DMGDH: variants seen among roughly 807,000 people sequenced by gnomAD.
DMGDH encodes the protein dimethylglycine dehydrogenase, mitochondrial.
DMGDH carries 76 observed loss-of-function variants against 95.2 expected under a neutral mutation model. The observed-to-expected ratio is 0.80, with a 90% CI of 0.66 to 0.97. DMGDH has a LOEUF of 0.97. Ranked by LOEUF, DMGDH falls within the 50% of genes least tolerant of loss-of-function variation. The probability of loss-of-function intolerance (pLI) is 0.00; values close to 1 mark genes in which losing one functional copy is unlikely to be tolerated. For synonymous variants in DMGDH, 345 were observed against 377.6 expected (o/e 0.91, Z 1.00); for missense variants, 987 against 1,055.0 (o/e 0.94, Z 0.89).
rs1580177406 is a variant in DMGDH at position 78,997,767 on chromosome 5, C to A, written c.*315G>T. ...ATTTGTTACTAAAATTATAAAATGT[C>A]CCTTAATTAGGTTATAGTAATGATT... is the stretch of plus-strand genomic sequence containing the variant. On this transcript the variant is annotated 3_prime_UTR_variant, in exon 16 of 16. Coordinates refer to ENST00000255189, the MANE Select transcript of DMGDH (RefSeq NM_013391.3). The A allele has an allele frequency of 1.1e-5, 3 of 284,116 alleles. No homozygotes were observed. Among genetic ancestry groups the A allele is most frequent in the South Asian group, 1.0e-4 (2 of 19,640 alleles). The allele number at this position is 284,116 out of a possible 1,614,324, so 17.6% of individuals were successfully genotyped here. A position where few individuals can be genotyped will look rare whatever the true frequency, so the allele number is the denominator to read the frequency against.
intron 2 of DMGDH, 80 bp downstream of exon 2, chr5:79,063,533 T>A (rs1164393474): frequency 1.9e-6 from 3 of 1,555,294 alleles, no homozygotes; most frequent in African/African-American, 2.7e-5. Context: ...AGCTCACAGT[T>A]GGGAGTTGTG....
Position 79,030,895 on chromosome 5 carries a change from T to A in DMGDH, c.1621A>T (p.Asn541Tyr). 1 of 1,614,148 alleles carries A rather than the reference T, an allele frequency of 6.2e-7. No homozygotes were observed. The highest frequency in any genetic ancestry group is 1.3e-5 in the African/African-American group (1 of 75,032). Reference sequence around the variant, plus strand: ...CTAATGGAATCTTGGCCTTTGATGTTAAACTTGCCAAATGGTGATAGGTCA... The same window carrying A: ...CTAATGGAATCTTGGCCTTTGATGTAAAACTTGCCAAATGGTGATAGGTCA... Reference protein sequence around the residue: ...VTDLSPFGKFNIKGQDSIRLL... With the variant: ...VTDLSPFGKFYIKGQDSIRLL... Residue 541 changes from asparagine (N) to tyrosine (Y), a missense_variant, in exon 10 of 16, where the codon AAC becomes TAC. Asn to Tyr is a moderately radical substitution (Grantham distance 143, BLOSUM62 -2). Transcript: ENST00000255189.
At chr5:79,047,047 G>T (rs1192989809) in intron 5 of DMGDH, among the ~76,000 whole-genome samples, 1 of 152,026 alleles carries the variant, frequency 6.6e-6, no homozygotes, top group East Asian at 1.9e-4. Flanking sequence ...AGATATCTAT[G>T]GGGCTGGTGT....
At chr5:79,045,789 C>T (rs1230589134) in intron 5 of DMGDH, among the ~76,000 whole-genome samples, 1 of 152,096 alleles carries the variant, frequency 6.6e-6, no homozygotes, top group African/African-American at 2.4e-5. Context: ...TGCTGTTTTT[C>T]TGAATCTAAT....
chr5:79,057,278 T>G (rs988158164), intron 2 of DMGDH, among the ~76,000 whole-genome samples: 7 of 152,276 alleles, frequency 4.6e-5, no homozygotes, highest in Non-Finnish European at 8.8e-5. Context: ...TTGAAGCAGG[T>G]TCTCTCAAAT....
chr5:79,066,090 T>G (rs1755370905), intron 1 of DMGDH, among the ~76,000 whole-genome samples: 1 of 152,200 alleles, frequency 6.6e-6, no homozygotes, highest in Non-Finnish European at 1.5e-5. Flanking sequence ...GTCAAGAAAT[T>G]TAACATTGAT....
rs531571199 is a variant in DMGDH at position 79,032,752 on chromosome 5, C to T, written c.1452G>A (p.Met484Ile). The T allele has an allele frequency of 2.5e-6, 4 of 1,614,198 alleles. No homozygotes were observed. The African/African-American group carries it at 4.0e-5, about 16-fold the overall frequency. The change falls in exon 9 of 16, where the codon ATG (methionine) becomes ATA (isoleucine). Residue 484 changes from methionine (M) to isoleucine (I), a missense_variant. Transcript: ENST00000255189. ...LYQRLESKCSMGFHAGWEQPH... is the reference protein window; with the variant it reads ...LYQRLESKCSIGFHAGWEQPH... ...GCTGCTCCCAGCCAGCATGGAACCC[C>T]ATGGAACACTTAGACTCCAGCCTTT...
intron 6 of DMGDH, among the ~76,000 whole-genome samples, chr5:79,043,601 G>A (rs1390866579): frequency 1.3e-5 from 2 of 152,140 alleles, no homozygotes; most frequent in Non-Finnish European, 2.9e-5. Flanking sequence ...ACATTTCTTT[G>A]TATTCCCTGT....
chr5:79,034,795 C>T (rs1427593257), intron 7 of DMGDH, among the ~76,000 whole-genome samples: 2 of 152,136 alleles, frequency 1.3e-5, no homozygotes, highest in African/African-American at 2.4e-5. Context: ...CGATGTCTCA[C>T]GCCTGTAATC....
At chr5:79,017,891 C>T (rs561426483) in intron 14 of DMGDH, among the ~76,000 whole-genome samples, 18 of 152,262 alleles carry the variant, frequency 1.2e-4, no homozygotes, top group African/African-American at 3.6e-4. Flanking sequence ...TACCCTTGGG[C>T]AGTCATAGAA....
intron 7 of DMGDH, among the ~76,000 whole-genome samples, chr5:79,037,541 T>C (rs950596710): frequency 1.8e-4 from 28 of 152,186 alleles, no homozygotes; most frequent in African/African-American, 6.8e-4. Flanking sequence ...GGAGGCACTT[T>C]GCCCACCCCC....
intron 9 of DMGDH, among the ~76,000 whole-genome samples, chr5:79,032,304 A>G (rs1353732866): frequency 2.0e-5 from 3 of 152,238 alleles, no homozygotes; most frequent in Non-Finnish European, 4.4e-5. Flanking sequence ...CAGAAAATCC[A>G]AAACTCCAGG....
chr5:79,031,891 A>T (rs1428838122), intron 9 of DMGDH, among the ~76,000 whole-genome samples: 1 of 152,208 alleles, frequency 6.6e-6, no homozygotes, highest in Non-Finnish European at 1.5e-5. Context: ...TTGGCCACCA[A>T]ATAATCTAGA....
chr5:79,004,126 C>T (rs959675528), intron 15 of DMGDH, among the ~76,000 whole-genome samples: 6 of 152,094 alleles, frequency 3.9e-5, no homozygotes, highest in South Asian at 2.1e-4. Flanking sequence ...TCACTGGCCA[C>T]GTAACCTCAA....
chr5:79,044,056 T>C (rs1047792321), intron 6 of DMGDH, among the ~76,000 whole-genome samples: 1 of 152,316 alleles, frequency 6.6e-6, no homozygotes. Flanking sequence ...CTGGAACCTT[T>C]CAAAGCAGCT....
At position 79,055,784 on chromosome 5, in the gene DMGDH, G is replaced by C. The variant is rs2272038; in HGVS notation, c.375+26C>G. 0.036 allele frequency: 52,048 copies of C among 1,450,720 alleles called. 2,954 individuals carry two copies. The highest frequency in any genetic ancestry group is 0.19 in the African/African-American group (13,387 of 71,908). The allele number at this position is 1,450,720 out of a possible 1,614,324, so 89.9% of individuals were successfully genotyped here. A position where few individuals can be genotyped will look rare whatever the true frequency, so the allele number is the denominator to read the frequency against. On this transcript the variant is annotated intron_variant, in intron 3 of 15. Coordinates refer to ENST00000255189, the MANE Select transcript of DMGDH (RefSeq NM_013391.3). ...ATGTTTCTGAGAAGCCGACCTAACA[G>C]ACAGTTTCAAGTTAAATGCCTTTAC... is the stretch of plus-strand genomic sequence containing the variant.
intron 4 of DMGDH, among the ~76,000 whole-genome samples, chr5:79,053,165 A>C (rs1469227825): frequency 6.6e-6 from 1 of 152,116 alleles, no homozygotes; most frequent in East Asian, 1.9e-4. Flanking sequence ...TATTTCTGAA[A>C]TTTTAGAGAC....
intron 14 of DMGDH, chr5:79,021,067 G>C: frequency 2.0e-6 from 2 of 985,956 alleles, no homozygotes; most frequent in Non-Finnish European, 2.4e-6. Context: ...ATACCATTGA[G>C]AACAATGATA....
At chr5:79,021,492 G>T (rs1753865140) in intron 14 of DMGDH, 1 of 1,263,750 alleles carries the variant, frequency 7.9e-7, no homozygotes, top group Non-Finnish European at 1.0e-6. Context: ...ACAACTCCAA[G>T]ACGGAAGGAA....
Sources: gnomAD v4.1 joint callset for allele counts (sites outside exome capture counted in the v4.1 genomes callset) on GRCh38, gnomAD v4.1.1 for gene constraint, MANE v1.5 for transcripts, NCBI Gene and HGNC (gene_info 2026-07-23, HGNC 2026-07-21) for gene names.